Variants in ZNF521 observed in about 807,000 individuals in gnomAD.
ZNF521 encodes zinc finger protein 521.
Under a neutral mutation model 105.5 loss-of-function variants are expected in ZNF521, and 14 were observed. That is an observed-to-expected ratio of 0.13 (90% CI 0.09 to 0.21). The LOEUF is 0.21. ZNF521 is among the 10% of genes least tolerant of loss of function. The pLI is 1.00. For synonymous variants in ZNF521, 635 were observed against 606.0 expected (o/e 1.05, Z -0.70); for missense variants, 1,233 against 1,629.7 (o/e 0.76, Z 4.19).
intron 4 of ZNF521, among the ~76,000 whole-genome samples, chr18:25,222,499 TAAGAAAC>T (rs1905793572): frequency 6.6e-6 from 1 of 152,164 alleles, no homozygotes; most frequent in African/African-American, 2.4e-5. Flanking sequence ...AACAATCTAC[TAAGAAAC>T]AAGAGAGTCC....
At chr18:25,121,820 A>G (rs1464648950) in intron 5 of ZNF521, among the ~76,000 whole-genome samples, 1 of 151,510 alleles carries the variant, frequency 6.6e-6, no homozygotes, top group Non-Finnish European at 1.5e-5. Flanking sequence ...ACTATTACAA[A>G]CTTAACTTAA....
chr18:25,179,834 C>A (rs2035600637), intron 5 of ZNF521, among the ~76,000 whole-genome samples: 1 of 152,072 alleles, frequency 6.6e-6, no homozygotes, highest in Non-Finnish European at 1.5e-5. Context: ...GGGTACATGT[C>A]CACACACAGA....
chr18:25,166,422 A>T (rs1030659736), intron 5 of ZNF521, among the ~76,000 whole-genome samples: 1 of 152,198 alleles, frequency 6.6e-6, no homozygotes, highest in Admixed American at 6.5e-5. Context: ...ATTTTTTTAA[A>T]CAAGATTCTT....
At chr18:25,243,552 G>T (rs1387834219) in intron 3 of ZNF521, among the ~76,000 whole-genome samples, 1 of 152,202 alleles carries the variant, frequency 6.6e-6, no homozygotes, top group African/African-American at 2.4e-5. Flanking sequence ...AAACTGAAAT[G>T]AGTATCCTTC....
intron 3 of ZNF521, among the ~76,000 whole-genome samples, chr18:25,295,207 G>A (rs568166513): frequency 1.3e-5 from 2 of 152,144 alleles, no homozygotes; most frequent in South Asian, 4.2e-4. Context: ...ACCCTAGACA[G>A]TATAATTTAG....
At chr18:25,113,340 A>G (rs1366922218) in intron 5 of ZNF521, among the ~76,000 whole-genome samples, 1 of 152,130 alleles carries the variant, frequency 6.6e-6, no homozygotes, top group African/African-American at 2.4e-5. Context: ...CCTTCAGATG[A>G]AAACCTTTTC....
chr18:25,262,100 G>A (rs1401973881), intron 3 of ZNF521, among the ~76,000 whole-genome samples: 1 of 152,098 alleles, frequency 6.6e-6, no homozygotes, highest in African/African-American at 2.4e-5. Context: ...TACAGTACAA[G>A]GAAACAATCA....
intron 3 of ZNF521, among the ~76,000 whole-genome samples, chr18:25,295,199 C>A (rs1390394527): frequency 6.6e-6 from 1 of 152,018 alleles, no homozygotes; most frequent in Non-Finnish European, 1.5e-5. Flanking sequence ...TGTATACAAC[C>A]CTAGACAGTA....
chr18:25,290,304 C>G (rs1046127681), intron 3 of ZNF521, among the ~76,000 whole-genome samples: 1 of 152,164 alleles, frequency 6.6e-6, no homozygotes, highest in Non-Finnish European at 1.5e-5. Context: ...AAATTTTATA[C>G]TTTACTCCCC....
At chr18:25,345,654 A>T (rs1026357493) in intron 2 of ZNF521, among the ~76,000 whole-genome samples, 1 of 152,214 alleles carries the variant, frequency 6.6e-6, no homozygotes, top group Non-Finnish European at 1.5e-5. Context: ...TCAGTTCTGG[A>T]ACTTTGACTA....
chr18:25,239,420 G>A (rs1006976911), intron 3 of ZNF521, among the ~76,000 whole-genome samples: 1 of 152,290 alleles, frequency 6.6e-6, no homozygotes, highest in Admixed American at 6.5e-5. Flanking sequence ...CTAAACTTTT[G>A]TTGATGATTA....
intron 3 of ZNF521, among the ~76,000 whole-genome samples, chr18:25,298,047 T>C (rs1300258580): frequency 1.3e-5 from 2 of 152,142 alleles, no homozygotes; most frequent in Non-Finnish European, 2.9e-5. Flanking sequence ...TCACCTGCAT[T>C]AGATGAAAAG....
chr18:25,181,258 T>C (rs1327192522), intron 5 of ZNF521, among the ~76,000 whole-genome samples: 3 of 152,182 alleles, frequency 2.0e-5, no homozygotes, highest in Non-Finnish European at 2.9e-5. Context: ...CATATTTTTC[T>C]AGTCCTCCCA....
intron 3 of ZNF521, among the ~76,000 whole-genome samples, chr18:25,299,833 A>C (rs1277767034): frequency 6.6e-6 from 1 of 152,238 alleles, no homozygotes; most frequent in Non-Finnish European, 1.5e-5. Flanking sequence ...GACTTGGAAG[A>C]AATGATAATA....
At chr18:25,246,655 G>C (rs557253804) in intron 3 of ZNF521, among the ~76,000 whole-genome samples, 3 of 152,186 alleles carry the variant, frequency 2.0e-5, no homozygotes, top group African/African-American at 7.2e-5. Context: ...TTGCTTTCTG[G>C]TGAATTTTCC....
At chr18:25,137,825 T>C (rs2034765561) in intron 5 of ZNF521, among the ~76,000 whole-genome samples, 1 of 152,154 alleles carries the variant, frequency 6.6e-6, no homozygotes, top group Non-Finnish European at 1.5e-5. Flanking sequence ...CATGTGTTAG[T>C]TAGTAAGTGG....
intron 4 of ZNF521, among the ~76,000 whole-genome samples, chr18:25,205,587 A>G (rs955068532): frequency 6.6e-6 from 1 of 152,184 alleles, no homozygotes; most frequent in East Asian, 1.9e-4. Flanking sequence ...GAGGTGAAGG[A>G]GTAGCGACAG....
intron 2 of ZNF521, among the ~76,000 whole-genome samples, chr18:25,323,798 T>A (rs571361739): frequency 1.3e-5 from 2 of 152,314 alleles, no homozygotes; most frequent in South Asian, 4.1e-4. Context: ...TCCTTTCTTG[T>A]CTGGCAGTTG....
chr18:25,079,601 AAGAGAGAGAGAGAGAG>A (rs34772670), intron 7 of ZNF521, among the ~76,000 whole-genome samples: 4 of 148,036 alleles, frequency 2.7e-5, no homozygotes, highest in Non-Finnish European at 6.0e-5. Flanking sequence ...AGGAAAAAGT[AAGAGAGAGAGAGAGAG>A]AGAGAGAGAG....
Sources: allele counts gnomAD v4.1 joint callset (sites outside exome capture counted in the v4.1 genomes callset), GRCh38; gene constraint gnomAD v4.1.1; transcripts MANE v1.5; gene names NCBI Gene and HGNC (gene_info 2026-07-23, HGNC 2026-07-21).